The following XRCC4 variants were observed in gnomAD, a reference collection of about 807,000 sequenced individuals.
XRCC4 encodes X-ray repair cross complementing 4.
A neutral mutation model predicts 39.1 loss-of-function variants in XRCC4; 28 were observed. The observed-to-expected ratio is 0.72, with a 90% CI of 0.53 to 0.98. The LOEUF (loss-of-function observed/expected upper bound fraction) is 0.98, where lower values mean the gene tolerates loss of function less well. Among genes scored for constraint, XRCC4 ranks in the 50% least tolerant of loss-of-function variants. The probability of loss-of-function intolerance (pLI) is 0.00; values close to 1 mark genes in which losing one functional copy is unlikely to be tolerated. For synonymous variants in XRCC4, 123 were observed against 126.4 expected (o/e 0.97, Z 0.18); for missense variants, 350 against 376.4 (o/e 0.93, Z 0.58).
In XRCC4 at chr5:83,353,251, A is replaced by G. The variant is rs1757134922; in HGVS notation, c.*9A>G. Reference sequence around the variant, plus strand: ...TCTTTGATGAGATTTAACAGTCTCAAAAAATACTTTGATGTTCACTAGACT... The same window carrying G: ...TCTTTGATGAGATTTAACAGTCTCAGAAAATACTTTGATGTTCACTAGACT... On this transcript the variant is annotated 3_prime_UTR_variant, in exon 8 of 8. Coordinates refer to ENST00000396027, the MANE Select transcript of XRCC4 (RefSeq NM_003401.5). 6.4e-7 allele frequency: 1 copy of G among 1,569,936 alleles called. No individual in the cohort carries two copies. The highest frequency in any genetic ancestry group is 8.7e-7 in the Non-Finnish European group (1 of 1,155,104).
At chr5:83,090,824 G>A (rs1036933596) in intron 1 of XRCC4, among the ~76,000 whole-genome samples, 1 of 152,108 alleles carries the variant, frequency 6.6e-6, no homozygotes, top group Non-Finnish European at 1.5e-5. Context: ...AGGGGACAAA[G>A]TTCAAACATA....
At chr5:83,196,735 T>A (rs1438372633) in intron 4 of XRCC4, among the ~76,000 whole-genome samples, 2 of 151,362 alleles carry the variant, frequency 1.3e-5, no homozygotes, top group Non-Finnish European at 3.0e-5. Context: ...ATATATATAA[T>A]AATGATAATA....
At chr5:83,365,914 G>A in the XRCC4 span, among the ~76,000 whole-genome samples, 4 of 152,120 alleles carry the variant, frequency 2.6e-5, no homozygotes, top group Non-Finnish European at 5.9e-5. Flanking sequence ...AATAGAGTTT[G>A]TCACTTTTCT....
chr5:83,161,840 A>G (rs944946624), intron 3 of XRCC4, among the ~76,000 whole-genome samples: 13 of 152,200 alleles, frequency 8.5e-5, no homozygotes, highest in Admixed American at 6.5e-4. Context: ...TGATAGCAGC[A>G]AGTTTTTGGA....
At chr5:83,106,392 A>AT (rs1035405450) in intron 2 of XRCC4, among the ~76,000 whole-genome samples, 3 of 152,072 alleles carry the variant, frequency 2.0e-5, no homozygotes, top group African/African-American at 7.2e-5. Context: ...AACTTTAGGT[A>AT]TTTCTAATTG....
intron 1 of XRCC4, among the ~76,000 whole-genome samples, chr5:83,079,796 AG>A (rs1276225703): frequency 6.6e-6 from 1 of 152,186 alleles, no homozygotes; most frequent in Non-Finnish European, 1.5e-5. Context: ...GGCCTCCCAA[AG>A]TGCTGGGATT....
Position 83,127,377 on chromosome 5 carries a change from A to G in XRCC4, c.315+16174A>G, listed in dbSNP as rs114645560. ...TTGAATTATGGGGGCAGTTTCCCAC[A>G]TACTGTTTTGTGGTAGTAAGTCTCA... On this transcript the variant is annotated intron_variant, in intron 3 of 7. Coordinates refer to ENST00000396027, the MANE Select transcript of XRCC4 (RefSeq NM_003401.5). Among the ~76,000 whole-genome samples, 1,383 of 152,156 alleles carry G rather than the reference A, an allele frequency of 9.1e-3. 16 individuals are homozygous for G. Among genetic ancestry groups the G allele is most frequent in the African/African-American group, 0.03 (1,264 of 41,506 alleles).
At chr5:83,125,932 G>A (rs146318069) in intron 3 of XRCC4, among the ~76,000 whole-genome samples, 3,124 of 147,094 alleles carry the variant, frequency 0.021, 59 homozygotes, top group Non-Finnish European at 0.034. Flanking sequence ...GCAGTAAGCT[G>A]AGATTGTGCC....
At chr5:83,206,928 A>G (rs1487028200) in intron 6 of XRCC4, among the ~76,000 whole-genome samples, 1 of 152,156 alleles carries the variant, frequency 6.6e-6, no homozygotes, top group African/African-American at 2.4e-5. Flanking sequence ...ACAGAAACTT[A>G]TTAACATTGA....
At chr5:83,280,440 G>T in intron 7 of XRCC4, 1 of 684,394 alleles carries the variant, frequency 1.5e-6, no homozygotes, top group Non-Finnish European at 2.7e-6. Context: ...CAATTTTGAA[G>T]AAAGTTCTTG....
At chr5:83,192,034 A>G (rs1174847791) in intron 3 of XRCC4, among the ~76,000 whole-genome samples, 1 of 152,094 alleles carries the variant, frequency 6.6e-6, no homozygotes, top group Admixed American at 6.6e-5. Flanking sequence ...GCTAAAGAAA[A>G]TGTATGTGTT....
chr5:83,147,892 G>A (rs947897446), intron 3 of XRCC4, among the ~76,000 whole-genome samples: 2 of 151,650 alleles, frequency 1.3e-5, no homozygotes, highest in Non-Finnish European at 2.9e-5. Flanking sequence ...CCAGGTTCAA[G>A]TGATTCTCGT....
At chr5:83,255,094 GA>G (rs935722919) in intron 6 of XRCC4, among the ~76,000 whole-genome samples, 16 of 134,832 alleles carry the variant, frequency 1.2e-4, no homozygotes, top group Admixed American at 3.0e-4. Flanking sequence ...TCTCAAAAAA[GA>G]AAAAAAAAAA....
chr5:83,188,525 G>C (rs1373693944), intron 3 of XRCC4, among the ~76,000 whole-genome samples: 2 of 152,120 alleles, frequency 1.3e-5, no homozygotes, highest in Non-Finnish European at 2.9e-5. Context: ...GCTTTATAAA[G>C]AAAAGAGGTT....
chr5:83,132,127 C>A (rs562501619), intron 3 of XRCC4, among the ~76,000 whole-genome samples: 2 of 152,162 alleles, frequency 1.3e-5, no homozygotes, highest in East Asian at 3.9e-4. Flanking sequence ...TTTTATTTCT[C>A]TTTCACTTAT....
chr5:83,340,244 G>A (rs1756714176), intron 7 of XRCC4, among the ~76,000 whole-genome samples: 1 of 141,412 alleles, frequency 7.1e-6, no homozygotes, highest in African/African-American at 2.7e-5. Context: ...TAATAATTGG[G>A]CCCTAATAAC....
At chr5:83,095,194 A>T (rs373571077) in intron 1 of XRCC4, among the ~76,000 whole-genome samples, 10 of 152,148 alleles carry the variant, frequency 6.6e-5, no homozygotes, top group Admixed American at 1.3e-4. Flanking sequence ...TTTGCTCTGA[A>T]TTTTTTTGGG....
chr5:83,124,521 A>G (rs1193265199), intron 3 of XRCC4, among the ~76,000 whole-genome samples: 1 of 151,998 alleles, frequency 6.6e-6, no homozygotes, highest in African/African-American at 2.4e-5. Context: ...TTGTTTATTC[A>G]TTTATTCACT....
intron 1 of XRCC4, among the ~76,000 whole-genome samples, chr5:83,094,798 G>C (rs1745600130): frequency 6.6e-6 from 1 of 150,932 alleles, no homozygotes; most frequent in Non-Finnish European, 1.5e-5. Context: ...GGATCCTCCT[G>C]CTTCAGCCTC....
Sources: allele counts gnomAD v4.1 joint callset (sites outside exome capture counted in the v4.1 genomes callset), GRCh38; gene constraint gnomAD v4.1.1; transcripts MANE v1.5; gene names NCBI Gene and HGNC (gene_info 2026-07-23, HGNC 2026-07-21).